SH2B3: variants seen among roughly 807,000 people sequenced by gnomAD.
The protein encoded by SH2B3 is SH2B adaptor protein 3, also known as SH2B adapter protein 3.
Under a neutral mutation model 51.9 loss-of-function variants are expected in SH2B3, and 43 were observed. The observed-to-expected ratio is 0.83, with a 90% CI of 0.65 to 1.07. The LOEUF is 1.07. SH2B3 is among the 50% of genes least tolerant of loss of function. SH2B3 has a pLI of 0.00. For missense variants in SH2B3, 952 were observed against 834.3 expected (o/e 1.14, Z -1.74); for synonymous variants, 396 against 376.0 (o/e 1.05, Z -0.62).
Position 111,446,485 on chromosome 12 carries a change from G to C in SH2B3, c.733-268G>C, listed in dbSNP as rs73410513. Among the ~76,000 whole-genome samples the C allele has an allele frequency of 0.1, 15,722 of 152,260 alleles. 2,709 individuals are homozygous for C. Among genetic ancestry groups the C allele is most frequent in the African/African-American group, 0.36 (14,791 of 41,500 alleles). On this transcript the variant is annotated intron_variant, in intron 2 of 7. Coordinates refer to ENST00000341259, the MANE Select transcript of SH2B3 (RefSeq NM_005475.3). ...AGAAACGGATGTCAGACACATGGCA[G>C]AGTGGGAATGTCTCCAAGTCCAGGT...
At chr12:111,422,563 G>GTT (rs771165348) in intron 2 of SH2B3, among the ~76,000 whole-genome samples, 4 of 144,676 alleles carry the variant, frequency 2.8e-5, no homozygotes, top group Non-Finnish European at 3.1e-5. Context: ...AAGCAGTTTT[G>GTT]TTTTTTTTTT....
At chr12:111,437,779 A>G (rs1357027068) in intron 2 of SH2B3, among the ~76,000 whole-genome samples, 1 of 152,056 alleles carries the variant, frequency 6.6e-6, no homozygotes, top group African/African-American at 2.4e-5. Flanking sequence ...GGCTGAGATC[A>G]CCCATCACAC....
chr12:111,426,028 T>G (rs961592848), intron 2 of SH2B3, among the ~76,000 whole-genome samples: 1 of 152,230 alleles, frequency 6.6e-6, no homozygotes, highest in African/African-American at 2.4e-5. Context: ...ATGGTCTGTC[T>G]GGTGTTTAGG....
rs1361782594 is a variant in SH2B3, at chr12:111,429,417, C to T, written c.732+10540C>T. Among the ~76,000 whole-genome samples the T allele has an allele frequency of 6.6e-6, 1 of 152,138 alleles. No individual in the cohort carries two copies. The highest frequency in any genetic ancestry group is 2.4e-5 in the African/African-American group (1 of 41,432). Reference sequence around the variant, plus strand: ...TGTGATTTTGGCTCACTGCAACCACCGCCTCCAGGGTTCAAGCAATTCTCC... The same window carrying T: ...TGTGATTTTGGCTCACTGCAACCACTGCCTCCAGGGTTCAAGCAATTCTCC... On this transcript the variant is annotated intron_variant, in intron 2 of 7. Transcript: ENST00000341259. The surrounding 1 kb of genome is among the most constrained non-coding windows in gnomAD (Gnocchi z 4.4).
chr12:111,418,896 CG>C lies in SH2B3; in HGVS notation c.732+23del. On this transcript the variant is annotated intron_variant, in intron 2 of 7. Transcript: ENST00000341259. The surrounding 1 kb of genome is among the most constrained non-coding windows in gnomAD (Gnocchi z 6.7). The stretch of plus-strand genomic sequence containing the variant: ...ACCCAAGGTAAGTAAGCCCTGCCCG[CG>C]GGGTTGCGCACTGCACTGCGCCCTT... The C allele has an allele frequency of 7.2e-7, 1 of 1,390,842 alleles. No homozygotes were observed. The allele number at this position is 1,390,842 out of a possible 1,614,324, so 86.2% of individuals were successfully genotyped here.
intron 2 of SH2B3, among the ~76,000 whole-genome samples, chr12:111,427,388 GAAAAAAAAAAAA>G (rs557658468): frequency 2.4e-4 from 20 of 83,040 alleles, no homozygotes; most frequent in East Asian, 8.3e-4. Flanking sequence ...TCCATCTCAG[GAAAAAAAAAAAA>G]AAAAAAAAAA....
intron 1 of SH2B3, among the ~76,000 whole-genome samples, chr12:111,415,192 A>G (rs1593032768): frequency 6.6e-6 from 1 of 152,214 alleles, no homozygotes; most frequent in African/African-American, 2.4e-5. Context: ...CTGGAGTGGC[A>G]CTGCTGTTCA....
intron 2 of SH2B3, among the ~76,000 whole-genome samples, chr12:111,424,542 A>G (rs898898878): frequency 6.6e-6 from 1 of 152,090 alleles, no homozygotes; most frequent in Non-Finnish European, 1.5e-5. Flanking sequence ...TTCCCAATCC[A>G]GGGAACCAGG....
chr12:111,418,214 G>A lies in SH2B3; in HGVS notation c.69G>A (p.Pro23=), dbSNP rs1435193343. The part of the protein sequence containing the change: ...SAPSASPAAA[P]RGWSEFCELH... ...CCTCAGCCTCCCCGGCGGCGGCCCC[G>A]CGGGGCTGGAGCGAGTTCTGTGAGT... Residue 23 remains proline, a synonymous_variant, in exon 2 of 8, where the codon CCG becomes CCA. Coordinates refer to ENST00000341259, the MANE Select transcript of SH2B3 (RefSeq NM_005475.3). The surrounding 1 kb of genome is among the most constrained non-coding windows in gnomAD (Gnocchi z 6.7). The A allele has an allele frequency of 3.8e-6, 6 of 1,580,696 alleles. No individual in the cohort carries two copies. The African/African-American group carries it at 6.9e-5, about 18-fold the overall frequency.
intron 2 of SH2B3, among the ~76,000 whole-genome samples, chr12:111,428,410 C>T (rs1301776665): frequency 2.0e-5 from 3 of 152,316 alleles, no homozygotes; most frequent in Admixed American, 2.0e-4. Context: ...AGAGCCATCC[C>T]CACTCATCCC....
rs895559801 is a variant in SH2B3 at position 111,429,382 on chromosome 12, A to G, written c.732+10505A>G. On this transcript the variant is annotated intron_variant, in intron 2 of 7. Transcript: ENST00000341259. The surrounding 1 kb of genome is among the most constrained non-coding windows in gnomAD (Gnocchi z 4.4). ...AGTCTCGCTCTGTCGCCCAGGTTAG[A>G]GCAGAGTGGTGTGATTTTGGCTCAC... 5.9e-5 allele frequency among the ~76,000 whole-genome samples: 9 copies of G among 152,004 alleles called. No homozygotes were observed. Among genetic ancestry groups the G allele is most frequent in the African/African-American group, 2.2e-4 (9 of 41,384 alleles).
rs192677829 is a variant in SH2B3 at position 111,406,007 on chromosome 12, G to C, written c.-298G>C. The C allele has an allele frequency of 6.6e-6, 1 of 151,730 alleles. No homozygotes were observed. The highest frequency in any genetic ancestry group is 1.5e-5 in the Non-Finnish European group (1 of 67,878). The allele number at this position is 151,730 out of a possible 1,614,324, so 9.4% of individuals were successfully genotyped here. ...GACTGTCGCGGCCCGCGGTGGCGAC[G>C]GCGGCCGCTGCAAAGTTTCCCCGGC... On this transcript the variant is annotated 5_prime_UTR_variant, in exon 1 of 8. Coordinates refer to ENST00000341259, the MANE Select transcript of SH2B3 (RefSeq NM_005475.3). This position sits in a 1 kb window ranked among gnomAD's most constrained non-coding sequence, Gnocchi z 5.7.
rs751155332 is a variant in SH2B3 at position 111,418,364 on chromosome 12, C to T, written c.219C>T (p.Arg73=). Residue 73 remains arginine, a synonymous_variant, in exon 2 of 8, where the codon CGC becomes CGT. Coordinates refer to ENST00000341259, the MANE Select transcript of SH2B3 (RefSeq NM_005475.3). This position sits in a 1 kb window ranked among gnomAD's most constrained non-coding sequence, Gnocchi z 6.7. ...VSLQFTDLFQ[R]YFCREVRDGR... ...TGCAGTTCACCGACCTCTTCCAGCG[C>T]TACTTCTGCCGCGAGGTGCGCGACG... 7.9e-6 allele frequency: 12 copies of T among 1,520,108 alleles called. No individual in the cohort carries two copies. The South Asian group carries it at 1.5e-4, about 18-fold the overall frequency. The allele number at this position is 1,520,108 out of a possible 1,614,324, so 94.2% of individuals were successfully genotyped here. A position where few individuals can be genotyped will look rare whatever the true frequency, so the allele number is the denominator to read the frequency against.
At chr12:111,411,429 T>G (rs528875404) in intron 1 of SH2B3, among the ~76,000 whole-genome samples, 1 of 152,080 alleles carries the variant, frequency 6.6e-6, no homozygotes, top group South Asian at 2.1e-4. Context: ...TTTCTCTGCA[T>G]GTGGGCCTGA....
Position 111,405,973 on chromosome 12 carries a change from G to T in SH2B3, c.-332G>T, listed in dbSNP as rs892486969. Reference sequence around the variant, plus strand: ...CCCGGGCCACCGCCTCCGCCCGGCTGCCCGCCCGGACTGTCGCGGCCCGCG... The same window carrying T: ...CCCGGGCCACCGCCTCCGCCCGGCTTCCCGCCCGGACTGTCGCGGCCCGCG... On this transcript the variant is annotated 5_prime_UTR_variant, in exon 1 of 8. Coordinates refer to ENST00000341259, the MANE Select transcript of SH2B3 (RefSeq NM_005475.3). The surrounding 1 kb of genome is among the most constrained non-coding windows in gnomAD (Gnocchi z 5.4). 3 of 151,616 alleles carry T rather than the reference G, an allele frequency of 2.0e-5. No homozygotes were observed. The highest frequency in any genetic ancestry group is 7.2e-5 in the African/African-American group (3 of 41,384). 9.4% of individuals were successfully genotyped at this position (151,616 alleles called of 1,614,324 possible). A position where few individuals can be genotyped will look rare whatever the true frequency, so the allele number is the denominator to read the frequency against.
intron 2 of SH2B3, among the ~76,000 whole-genome samples, chr12:111,421,581 T>G (rs1207617055): frequency 6.6e-6 from 1 of 151,902 alleles, no homozygotes; most frequent in African/African-American, 2.4e-5. Context: ...CACACCTGGC[T>G]AATTTTTGTA....
rs551441642 is a variant in SH2B3, at chr12:111,422,537, C to A, written c.732+3660C>A. On this transcript the variant is annotated intron_variant, in intron 2 of 7. Coordinates refer to ENST00000341259, the MANE Select transcript of SH2B3 (RefSeq NM_005475.3). The stretch of plus-strand genomic sequence containing the variant: ...TAAAAGTCATTTCCTACCTTTATGG[C>A]CTGGCTTTTCATGAAAAGCAGTTTT... Among the ~76,000 whole-genome samples, 34 of 150,876 alleles carry A rather than the reference C, an allele frequency of 2.3e-4. No homozygotes were observed. In the South Asian group the frequency reaches 7.1e-3, roughly 32 times the overall value.
At chr12:111,417,971 G>A (rs930733730) in intron 1 of SH2B3, 148 bp from the exon 2 acceptor site, 1 of 564,696 alleles carries the variant, frequency 1.8e-6, no homozygotes, top group East Asian at 3.4e-5. Context: ...CCACTTGGTA[G>A]GGGAGTGCAT....
chr12:111,448,096 C>CG lies in SH2B3; in HGVS notation c.1527dup (p.Leu510AlafsTer36), dbSNP rs1874218854. The CG allele has an allele frequency of 1.2e-6, 2 of 1,614,050 alleles. No individual in the cohort carries two copies. The highest frequency in any genetic ancestry group is 1.7e-6 in the Non-Finnish European group (2 of 1,179,962). On this transcript the variant is annotated frameshift_variant, in exon 8 of 8. Coordinates refer to ENST00000341259, the MANE Select transcript of SH2B3 (RefSeq NM_005475.3). LOFTEE classifies it high-confidence loss of function. The stretch of plus-strand genomic sequence containing the variant: ...CCACCTTAGTTCTTCTGGCTGTCCC[C>CG]GGGGGCTCAGCCCAGAGGGTCTCCC...
Sources: allele counts gnomAD v4.1 joint callset (sites outside exome capture counted in the v4.1 genomes callset), GRCh38; gene constraint gnomAD v4.1.1; non-coding constraint Gnocchi (gnomAD v3.1); transcripts MANE v1.5; gene names NCBI Gene and HGNC (gene_info 2026-07-23, HGNC 2026-07-21).